SRGAP3: variants seen among roughly 807,000 people sequenced by gnomAD.
SRGAP3 encodes SLIT-ROBO Rho GTPase-activating protein 3.
Under a neutral mutation model 121.1 loss-of-function variants are expected in SRGAP3, and 39 were observed. The observed-to-expected ratio is 0.32, with a 90% CI of 0.25 to 0.42. The LOEUF (loss-of-function observed/expected upper bound fraction) is 0.42. SRGAP3 is among the 10% of genes least tolerant of loss of function. The pLI is 1.00. For synonymous variants in SRGAP3, 601 were observed against 570.0 expected (o/e 1.05, Z -0.77); for missense variants, 1,213 against 1,470.6 (o/e 0.82, Z 2.86).
chr3:8,985,289 C>T lies in SRGAP3; in HGVS notation c.*230G>A. On this transcript the variant is annotated 3_prime_UTR_variant, in exon 22 of 22. Transcript: ENST00000383836. This position sits in a 1 kb window ranked among gnomAD's most constrained non-coding sequence, Gnocchi z 5.1. ...AATGCTGTGGTTGGGGCTGCTGGAG[C>T]TCCAGCACTCCTCTGGTCGTCTGTT... The T allele has an allele frequency of 1.1e-6, 1 of 901,794 alleles. No homozygotes were observed. The highest frequency in any genetic ancestry group is 3.3e-5 in the Admixed American group (1 of 29,946). The allele number at this position is 901,794 out of a possible 1,614,324, so 55.9% of individuals were successfully genotyped here.
chr3:9,157,990 G>A (rs1183694745), intron 1 of SRGAP3, among the ~76,000 whole-genome samples: 1 of 152,098 alleles, frequency 6.6e-6, no homozygotes, highest in Non-Finnish European at 1.5e-5. Context: ...AATCCTTTTT[G>A]TAGTCTCTGA....
At chr3:9,204,144 C>T (rs1213290997) in intron 1 of SRGAP3, among the ~76,000 whole-genome samples, 1 of 152,228 alleles carries the variant, frequency 6.6e-6, no homozygotes, top group East Asian at 1.9e-4. Context: ...CACCGGGAAC[C>T]CATCTTGGAA....
chr3:9,222,638 C>T (rs983963462), intron 1 of SRGAP3, among the ~76,000 whole-genome samples: 2 of 152,214 alleles, frequency 1.3e-5, no homozygotes, highest in African/African-American at 2.4e-5. Context: ...TTAGCATCTT[C>T]TGTTAAGTGC....
At position 8,985,867 on chromosome 3, in the gene SRGAP3, G is replaced by A. The variant is rs746136603; in HGVS notation, c.2952C>T (p.Val984=). The A allele has an allele frequency of 6.2e-7, 1 of 1,600,164 alleles. No homozygotes were observed. Among genetic ancestry groups the A allele is most frequent in the Admixed American group, 1.7e-5 (1 of 60,024 alleles). The change falls in exon 22 of 22, where the codon GTC becomes GTT. Residue 984 remains valine, a synonymous_variant. Transcript: ENST00000383836. The surrounding 1 kb of genome is among the most constrained non-coding windows in gnomAD (Gnocchi z 5.1). The part of the protein sequence containing the change: ...ELRELERQNT[V]KQAPDVVLDT... ...CCAGCACCACATCTGGCGCCTGCTT[G>A]ACCGTGTTCTGCCTCTCGAGTTCCC...
intron 12 of SRGAP3, among the ~76,000 whole-genome samples, chr3:9,027,491 AAAG>A (rs755318127): frequency 2.8e-4 from 43 of 152,330 alleles, no homozygotes; most frequent in Non-Finnish European, 4.7e-4. Flanking sequence ...AGCTCTAAGA[AAAG>A]AAGACCAGTT....
At chr3:9,021,603 A>G (rs569675031) in intron 14 of SRGAP3, among the ~76,000 whole-genome samples, 2 of 152,290 alleles carry the variant, frequency 1.3e-5, no homozygotes, top group South Asian at 2.1e-4. Flanking sequence ...GATTTCCAAC[A>G]TGTTATCACT....
chr3:9,203,039 T>C (rs963399276), intron 1 of SRGAP3, among the ~76,000 whole-genome samples: 1 of 152,186 alleles, frequency 6.6e-6, no homozygotes, highest in Non-Finnish European at 1.5e-5. Flanking sequence ...CCAGTTCATC[T>C]TCTCCTCTGC....
At chr3:9,235,503 CT>C (rs397877508) in intron 1 of SRGAP3, 37,708 of 133,430 alleles carry the variant, frequency 0.28, 5,158 homozygotes, top group South Asian at 0.4. Context: ...TTTTCTTTTT[CT>C]TTTTTTTTTT....
intron 3 of SRGAP3, among the ~76,000 whole-genome samples, chr3:9,294,901 A>G (rs553028143): frequency 1.3e-5 from 2 of 152,152 alleles, no homozygotes; most frequent in Admixed American, 6.5e-5. Flanking sequence ...TCTATCATCA[A>G]TCTGTTAGTG....
At chr3:9,354,459 C>T (rs1017803283) in intron 1 of SRGAP3, among the ~76,000 whole-genome samples, 3 of 152,024 alleles carry the variant, frequency 2.0e-5, no homozygotes, top group South Asian at 2.1e-4. Context: ...GCGGGTGGAT[C>T]ACGAGGTTAG....
At chr3:9,348,807 C>T in intron 1 of SRGAP3, 3 of 1,371,956 alleles carry the variant, frequency 2.2e-6, no homozygotes, top group South Asian at 1.2e-5. Context: ...GATGTCCCAC[C>T]ACCTCTAATG....
At chr3:9,058,628 C>T in intron 6 of SRGAP3, 156 bp from the exon 7 acceptor site, 1 of 719,806 alleles carries the variant, frequency 1.4e-6, no homozygotes. Context: ...CTGCACAAAC[C>T]TCACGGCGCC....
At chr3:9,179,143 C>A (rs1951287655) in intron 1 of SRGAP3, among the ~76,000 whole-genome samples, 2 of 152,234 alleles carry the variant, frequency 1.3e-5, no homozygotes, top group African/African-American at 4.8e-5. Context: ...ACAGTCCCAG[C>A]TGCCTGGATC....
intron 3 of SRGAP3, among the ~76,000 whole-genome samples, chr3:9,323,788 C>T (rs1400346760): frequency 2.4e-5 from 3 of 126,684 alleles, no homozygotes; most frequent in African/African-American, 8.9e-5. Context: ...ATGTCTCTCC[C>T]TGTGTATCTA....
chr3:9,023,798 A>G (rs1944046914), intron 14 of SRGAP3, among the ~76,000 whole-genome samples: 3 of 152,124 alleles, frequency 2.0e-5, no homozygotes, highest in African/African-American at 4.8e-5. Flanking sequence ...GGTTCTAAGC[A>G]CCCGAGATCC....
chr3:9,205,450 G>A (rs1278100215), intron 1 of SRGAP3, among the ~76,000 whole-genome samples: 1 of 152,186 alleles, frequency 6.6e-6, no homozygotes, highest in African/African-American at 2.4e-5. Context: ...ATGTTGGATG[G>A]TACAACTATC....
chr3:9,048,599 T>C (rs556655749), intron 9 of SRGAP3, among the ~76,000 whole-genome samples: 1 of 152,256 alleles, frequency 6.6e-6, no homozygotes, highest in South Asian at 2.1e-4. Flanking sequence ...GGTGAGAGGA[T>C]TGCTGAAGGC....
At chr3:9,099,497 G>C (rs1390084678) in intron 3 of SRGAP3, among the ~76,000 whole-genome samples, 1 of 152,266 alleles carries the variant, frequency 6.6e-6, no homozygotes, top group African/African-American at 2.4e-5. Context: ...AGGAGAGCAA[G>C]TGGGATGCAG....
chr3:9,013,529 G>T lies in SRGAP3; in HGVS notation c.1926C>A (p.Ser642=), dbSNP rs1943475136. The T allele has an allele frequency of 1.9e-6, 3 of 1,614,094 alleles. No individual in the cohort carries two copies. Among genetic ancestry groups the T allele is most frequent in the Non-Finnish European group, 1.7e-6 (2 of 1,180,022 alleles). ...CCATCATGTTCTCGTCGCTATACTGGGAGAGGCTAGGAGAGAGGAGTTACC... is the reference window on the plus strand; with the variant it reads ...CCATCATGTTCTCGTCGCTATACTGTGAGAGGCTAGGAGAGAGGAGTTACC... The part of the protein sequence containing the change: ...RYLFAFLNHL[S]QYSDENMMDP... The change falls in exon 17 of 22, where the codon TCC becomes TCA. Residue 642 remains serine, a synonymous_variant. Coordinates refer to ENST00000383836, the MANE Select transcript of SRGAP3 (RefSeq NM_014850.4).
Sources: allele counts gnomAD v4.1 joint callset (sites outside exome capture counted in the v4.1 genomes callset), GRCh38; gene constraint gnomAD v4.1.1; non-coding constraint Gnocchi (gnomAD v3.1); transcripts MANE v1.5; gene names NCBI Gene and HGNC (gene_info 2026-07-23, HGNC 2026-07-21).